Variants in CSNK1G1 observed in about 807,000 individuals in gnomAD.
CSNK1G1 encodes the protein casein kinase 1 gamma 1, also known as casein kinase I isoform gamma-1.
In CSNK1G1, 22 loss-of-function variants were observed where a neutral mutation model predicts 59.6. The ratio of observed to expected loss-of-function variants is 0.37; its 90% CI spans 0.26 to 0.53. The LOEUF (loss-of-function observed/expected upper bound fraction) is 0.53. Ranked by LOEUF, CSNK1G1 falls within the 20% of genes least tolerant of loss-of-function variation. CSNK1G1 has a pLI of 0.89. For synonymous variants in CSNK1G1, 179 were observed against 177.1 expected, an observed-to-expected ratio of 1.01 and a Z score of -0.08; for missense variants, 384 against 519.5, an observed-to-expected ratio of 0.74 and a Z score of 2.54.
chr15:64,273,181 A>G (rs954471445), intron 2 of CSNK1G1, among the ~76,000 whole-genome samples: 1 of 152,238 alleles, frequency 6.6e-6, no homozygotes, highest in Non-Finnish European at 1.5e-5. Flanking sequence ...AAGGAAGGAT[A>G]AAGATTGAAG....
chr15:64,188,284 C>G lies in CSNK1G1; in HGVS notation c.1108-7830G>C. 1 of 899,622 alleles carries G rather than the reference C, an allele frequency of 1.1e-6. No homozygotes were observed. The highest frequency in any genetic ancestry group is 1.7e-5 in the South Asian group (1 of 57,618). 55.7% of individuals were successfully genotyped at this position (899,622 alleles called of 1,614,324 possible). A position where few individuals can be genotyped will look rare whatever the true frequency, so the allele number is the denominator to read the frequency against. ...TCAATTAGCCCTTCCTGTAAGCTTC[C>G]TTTCTAAGGCTGCCGAAGGTTCAGA... On this transcript the variant is annotated intron_variant, in intron 10 of 11. Coordinates refer to ENST00000303052, the MANE Select transcript of CSNK1G1 (RefSeq NM_022048.5). The surrounding 1 kb of genome is among the most constrained non-coding windows in gnomAD (Gnocchi z 4.2).
intron 1 of CSNK1G1, among the ~76,000 whole-genome samples, chr15:64,338,722 A>AC (rs1897526292): frequency 2.8e-5 from 4 of 144,666 alleles, no homozygotes; most frequent in South Asian, 4.4e-4. Flanking sequence ...AAAAAAAAAA[A>AC]AAAAAACACT....
At chr15:64,203,539 A>C (rs1324506408) in intron 9 of CSNK1G1, among the ~76,000 whole-genome samples, 1 of 151,748 alleles carries the variant, frequency 6.6e-6, no homozygotes, top group Non-Finnish European at 1.5e-5. Context: ...CTCTACTAAA[A>C]ATACAAAATT....
chr15:64,307,708 A>G (rs1420089212), intron 1 of CSNK1G1, among the ~76,000 whole-genome samples: 1 of 152,086 alleles, frequency 6.6e-6, no homozygotes, highest in Non-Finnish European at 1.5e-5. Flanking sequence ...TTTGTTTGAG[A>G]CGGAGTCTCG....
chr15:64,201,509 G>A (rs1478659497), intron 10 of CSNK1G1, among the ~76,000 whole-genome samples: 3 of 152,134 alleles, frequency 2.0e-5, no homozygotes, highest in African/African-American at 7.2e-5. Context: ...TAAAGGATGT[G>A]ACTATGGACC....
At chr15:64,199,284 GAA>G (rs1363429581) in intron 10 of CSNK1G1, among the ~76,000 whole-genome samples, 4 of 129,724 alleles carry the variant, frequency 3.1e-5, no homozygotes, top group Admixed American at 7.7e-5. Flanking sequence ...AAAAAGAAAA[GAA>G]AAAGAGAAAA....
intron 2 of CSNK1G1, among the ~76,000 whole-genome samples, chr15:64,286,122 G>C (rs117455344): frequency 3.0e-4 from 46 of 151,990 alleles, no homozygotes; most frequent in African/African-American, 1.1e-3. Context: ...GTTCTTTCAC[G>C]TTCTCACCCC....
intron 1 of CSNK1G1, among the ~76,000 whole-genome samples, chr15:64,342,281 G>A (rs1296231498): frequency 6.6e-6 from 1 of 152,156 alleles, no homozygotes; most frequent in African/African-American, 2.4e-5. Context: ...CTCATTTGCT[G>A]ATCTGTAAAA....
In CSNK1G1 at chr15:64,171,908, T is replaced by C; in HGVS notation, c.*23A>G. On this transcript the variant is annotated 3_prime_UTR_variant, in exon 12 of 12. Coordinates refer to ENST00000303052, the MANE Select transcript of CSNK1G1 (RefSeq NM_022048.5). This position sits in a 1 kb window ranked among gnomAD's most constrained non-coding sequence, Gnocchi z 4.8. The stretch of plus-strand genomic sequence containing the variant: ...CAATTGAGTCAGAGTCCCCAGGGCC[T>C]GAGGACTCCTGGGAGGCACTGGTCA... 6.2e-7 allele frequency: 1 copy of C among 1,606,634 alleles called. No homozygotes were observed. Among genetic ancestry groups the C allele is most frequent in the Non-Finnish European group, 8.5e-7 (1 of 1,173,104 alleles).
chr15:64,341,361 A>G (rs1566954168), intron 1 of CSNK1G1, among the ~76,000 whole-genome samples: 2 of 152,046 alleles, frequency 1.3e-5, no homozygotes, highest in South Asian at 4.1e-4. Flanking sequence ...GATGGTCTCA[A>G]TCTCCTGACC....
At chr15:64,207,867 C>A (rs1157574787) in intron 6 of CSNK1G1, among the ~76,000 whole-genome samples, 1 of 150,290 alleles carries the variant, frequency 6.7e-6, no homozygotes, top group African/African-American at 2.5e-5. Context: ...TGAATTTCCA[C>A]CCCTCACTCA....
chr15:64,220,823 G>C (rs1212247734), intron 4 of CSNK1G1, among the ~76,000 whole-genome samples: 1 of 152,088 alleles, frequency 6.6e-6, no homozygotes, highest in Admixed American at 6.5e-5. Context: ...CAAAGTGCTG[G>C]GATTACAGGC....
chr15:64,271,460 G>A (rs1209914511), intron 2 of CSNK1G1, among the ~76,000 whole-genome samples: 2 of 144,970 alleles, frequency 1.4e-5, no homozygotes, highest in Non-Finnish European at 3.0e-5. Context: ...ATTTTTTTCT[G>A]GTATTTTTAG....
At chr15:64,303,814 G>A (rs368895710) in intron 1 of CSNK1G1, among the ~76,000 whole-genome samples, 1 of 151,450 alleles carries the variant, frequency 6.6e-6, no homozygotes, top group Non-Finnish European at 1.5e-5. Flanking sequence ...GTGACTTGGG[G>A]AGGCTGAAGT....
chr15:64,168,494 AG>A lies in CSNK1G1; in HGVS notation c.*3436del, dbSNP rs878905756. 4.6e-5 allele frequency: 7 copies of A among 152,424 alleles called. 1 individual carries two copies. The South Asian group carries it at 1.2e-3, about 27-fold the overall frequency. 9.4% of individuals were successfully genotyped at this position (152,424 alleles called of 1,614,324 possible). A position where few individuals can be genotyped will look rare whatever the true frequency, so the allele number is the denominator to read the frequency against. On this transcript the variant is annotated 3_prime_UTR_variant, in exon 12 of 12. Transcript: ENST00000303052. ...TGGCCTGTGTGCCTCAAATCTGTTT[AG>A]GATGCAATGTCTGAGGGACTGTAGA...
At chr15:64,241,095 CGAT>C (rs1280515718) in intron 4 of CSNK1G1, among the ~76,000 whole-genome samples, 9 of 152,084 alleles carry the variant, frequency 5.9e-5, no homozygotes, top group African/African-American at 2.2e-4. Context: ...TGATAAAAAA[CGAT>C]GACCCAACTA....
rs1168592072 is a variant in CSNK1G1 at position 64,216,532 on chromosome 15, T to C, written c.444+30A>G. The C allele has an allele frequency of 1.9e-6, 3 of 1,610,472 alleles. No individual in the cohort carries two copies. The highest frequency in any genetic ancestry group is 2.2e-5 in the South Asian group (2 of 90,858). On this transcript the variant is annotated intron_variant, in intron 5 of 11. Coordinates refer to ENST00000303052, the MANE Select transcript of CSNK1G1 (RefSeq NM_022048.5). The surrounding 1 kb of genome is among the most constrained non-coding windows in gnomAD (Gnocchi z 4.6). ...AGGATGTGGCTGAGGAACCAGCTTA[T>C]TCTCTTCTAGAAGAGCAATTCCAAC...
At chr15:64,278,040 T>C (rs1566930596) in intron 2 of CSNK1G1, among the ~76,000 whole-genome samples, 1 of 148,520 alleles carries the variant, frequency 6.7e-6, no homozygotes, top group Non-Finnish European at 1.5e-5. Flanking sequence ...TATTTTATTA[T>C]CTATTAAAAT....
At chr15:64,224,633 C>G (rs886492148) in intron 4 of CSNK1G1, among the ~76,000 whole-genome samples, 2 of 152,198 alleles carry the variant, frequency 1.3e-5, no homozygotes, top group Non-Finnish European at 2.9e-5. Flanking sequence ...ATAACAAAAA[C>G]AGCTAGGCCC....
Sources: allele counts gnomAD v4.1 joint callset (sites outside exome capture counted in the v4.1 genomes callset), GRCh38; gene constraint gnomAD v4.1.1; non-coding constraint Gnocchi (gnomAD v3.1); transcripts MANE v1.5; gene names NCBI Gene and HGNC (gene_info 2026-07-23, HGNC 2026-07-21).